APP: variants seen among roughly 807,000 people sequenced by gnomAD.
APP encodes amyloid beta precursor protein.
Under a neutral mutation model 101.4 loss-of-function variants are expected in APP, and 31 were observed. The observed-to-expected ratio is 0.31, with a 90% CI of 0.23 to 0.41. APP has a LOEUF of 0.41. APP is among the 10% of genes least tolerant of loss of function. The pLI, the probability that APP is intolerant of heterozygous loss-of-function variation, is 1.00. For missense variants in APP, 839 were observed against 1,003.7 expected, an observed-to-expected ratio of 0.84 and a Z score of 2.22; for synonymous variants, 366 against 364.4, an observed-to-expected ratio of 1.00 and a Z score of -0.05.
At chr21:25,993,382 G>A (rs944399405) in intron 8 of APP, among the ~76,000 whole-genome samples, 3 of 152,178 alleles carry the variant, frequency 2.0e-5, no homozygotes, top group Admixed American at 6.5e-5. Context: ...AGCATATCCT[G>A]GGATTCTAGG....
chr21:25,899,474 A>C (rs2038296223), intron 15 of APP, among the ~76,000 whole-genome samples: 3 of 152,148 alleles, frequency 2.0e-5, no homozygotes, highest in South Asian at 4.1e-4. Flanking sequence ...AAACTTCCTT[A>C]ATCTCTTTCC....
intron 13 of APP, among the ~76,000 whole-genome samples, chr21:25,925,972 A>G (rs751009090): frequency 6.6e-5 from 10 of 152,194 alleles, no homozygotes; most frequent in Non-Finnish European, 1.5e-4. Flanking sequence ...CAAACAAAAA[A>G]ACAATTCTCA....
At chr21:25,957,345 T>C (rs1254825948) in intron 11 of APP, among the ~76,000 whole-genome samples, 1 of 151,900 alleles carries the variant, frequency 6.6e-6, no homozygotes, top group African/African-American at 2.4e-5. Flanking sequence ...AGAGGATAGG[T>C]TATACATGTG....
At chr21:25,907,958 T>C (rs746885116) in intron 14 of APP, among the ~76,000 whole-genome samples, 4 of 152,246 alleles carry the variant, frequency 2.6e-5, no homozygotes, top group Non-Finnish European at 5.9e-5. Context: ...ACAAGTCTTA[T>C]AAGACCTGCT....
chr21:25,904,434 C>A (rs1267296582), intron 15 of APP, among the ~76,000 whole-genome samples: 2 of 152,128 alleles, frequency 1.3e-5, no homozygotes, highest in East Asian at 3.8e-4. Flanking sequence ...ATTATGCATC[C>A]ACATCTGTTG....
intron 8 of APP, among the ~76,000 whole-genome samples, chr21:25,994,660 C>G (rs1482425048): frequency 6.6e-6 from 1 of 152,166 alleles, no homozygotes; most frequent in Non-Finnish European, 1.5e-5. Context: ...AACCAACCAC[C>G]TTTGTGCAGA....
intron 17 of APP, among the ~76,000 whole-genome samples, chr21:25,889,182 G>C (rs2037531845): frequency 6.6e-6 from 1 of 152,190 alleles, no homozygotes. Context: ...TTTGCAGATA[G>C]GGTCGAAGAG....
intron 16 of APP, 65 bp from the exon 17 acceptor site, chr21:25,891,933 C>A (rs559574618): frequency 1.1e-5 from 16 of 1,487,138 alleles, no homozygotes; most frequent in African/African-American, 1.4e-5. Flanking sequence ...AATTTATAAA[C>A]GCAATTAGAA....
At chr21:26,049,688 G>A (rs529115764) in intron 5 of APP, among the ~76,000 whole-genome samples, 53 of 152,176 alleles carry the variant, frequency 3.5e-4, no homozygotes, top group Non-Finnish European at 6.8e-4. Context: ...TAGAAAATGT[G>A]AAGGGTTTCA....
chr21:25,918,141 C>T (rs532455480), intron 13 of APP, among the ~76,000 whole-genome samples: 87 of 152,264 alleles, frequency 5.7e-4, no homozygotes, highest in Admixed American at 1.8e-3. Context: ...GGATATAGAA[C>T]TAGAAATACC....
chr21:25,911,613 T>A lies in APP; in HGVS notation c.1909+128A>T, dbSNP rs897446626. ...TTAAAGTAAAATTATAATGAAAATA[T>A]TTATGACTACATCAAAAAAAATTCA... On this transcript the variant is annotated intron_variant, in intron 14 of 17. Transcript: ENST00000346798. 5.3e-6 allele frequency: 4 copies of A among 760,724 alleles called. No individual in the cohort carries two copies. The African/African-American group carries it at 7.0e-5, about 13-fold the overall frequency. The allele number at this position is 760,724 out of a possible 1,614,324, so 47.1% of individuals were successfully genotyped here. A position where few individuals can be genotyped will look rare whatever the true frequency, so the allele number is the denominator to read the frequency against.
chr21:25,969,435 TACA>T (rs2041926304), intron 11 of APP, among the ~76,000 whole-genome samples: 1 of 148,136 alleles, frequency 6.8e-6, no homozygotes, highest in African/African-American at 2.5e-5. Flanking sequence ...GGTCAAGCCA[TACA>T]ACATTAAAAC....
At chr21:25,962,818 C>T (rs965319375) in intron 11 of APP, among the ~76,000 whole-genome samples, 2 of 151,944 alleles carry the variant, frequency 1.3e-5, no homozygotes, top group African/African-American at 2.4e-5. Flanking sequence ...AAAGCTAACA[C>T]GGTTTTGGAG....
intron 3 of APP, among the ~76,000 whole-genome samples, chr21:26,066,419 T>C (rs1458280405): frequency 6.6e-6 from 1 of 152,034 alleles, no homozygotes; most frequent in Non-Finnish European, 1.5e-5. Flanking sequence ...AGAACTGTTT[T>C]CATCTTGCTA....
Position 25,973,943 on chromosome 21 carries a change from TAAAAA to T in APP, c.1458+1122_1458+1126del, listed in dbSNP as rs369334912. On this transcript the variant is annotated intron_variant, in intron 11 of 17. Transcript: ENST00000346798. ...TGACAGAGTGAGACTCCATCTCATTTAAAAAAAAAAAAAAAAAAAAAGAACAAGTG... is the reference window on the plus strand; with the variant it reads ...TGACAGAGTGAGACTCCATCTCATTTAAAAAAAAAAAAAAAAGAACAAGTG... Among the ~76,000 whole-genome samples the T allele has an allele frequency of 5.4e-5, 6 of 111,114 alleles. No homozygotes were observed. In the East Asian group the frequency reaches 1.3e-3, roughly 25 times the overall value. The allele number at this position is 111,114 out of a possible 152,430, so 72.9% of individuals were successfully genotyped here.
chr21:25,986,121 C>A (rs113098232), intron 8 of APP, among the ~76,000 whole-genome samples: 49 of 152,188 alleles, frequency 3.2e-4, no homozygotes, highest in African/African-American at 1.2e-3. Context: ...CCACAGAAGG[C>A]CAGAGACACG....
intron 1 of APP, among the ~76,000 whole-genome samples, chr21:26,149,796 T>C (rs1264992758): frequency 6.6e-6 from 1 of 152,190 alleles, no homozygotes; most frequent in Non-Finnish European, 1.5e-5. Context: ...TTAGTTTTTA[T>C]AAATGATTGA....
intron 3 of APP, among the ~76,000 whole-genome samples, chr21:26,066,216 A>C (rs1337051374): frequency 6.6e-6 from 1 of 152,170 alleles, no homozygotes; most frequent in Non-Finnish European, 1.5e-5. Context: ...AAGTGATGTG[A>C]TTCAGCTGTT....
intron 5 of APP, among the ~76,000 whole-genome samples, chr21:26,028,847 T>A (rs189049571): frequency 6.6e-6 from 1 of 152,052 alleles, no homozygotes; most frequent in Non-Finnish European, 1.5e-5. Context: ...AAAAAAATTA[T>A]GGAAAAGTAC....
Sources: allele counts gnomAD v4.1 joint callset (sites outside exome capture counted in the v4.1 genomes callset), GRCh38; gene constraint gnomAD v4.1.1; transcripts MANE v1.5; gene names NCBI Gene and HGNC (gene_info 2026-07-23, HGNC 2026-07-21).